TDP1: variants seen among roughly 807,000 people sequenced by gnomAD.
TDP1 encodes the protein tyrosyl-DNA phosphodiesterase 1.
TDP1 carries 64 observed loss-of-function variants against 81.5 expected under a neutral mutation model. That is an observed-to-expected ratio of 0.79 (90% CI 0.64 to 0.97). The LOEUF is 0.97. Among genes scored for constraint, TDP1 ranks in the 50% least tolerant of loss-of-function variants. The probability of loss-of-function intolerance (pLI) is 0.00; values close to 1 mark genes in which losing one functional copy is unlikely to be tolerated. For missense variants in TDP1, 723 were observed against 743.8 expected, an observed-to-expected ratio of 0.97 and a Z score of 0.33; for synonymous variants, 256 against 264.3, an observed-to-expected ratio of 0.97 and a Z score of 0.30.
chr14:89,983,543 A>G (rs1416339930), intron 8 of TDP1, among the ~76,000 whole-genome samples: 2 of 152,142 alleles, frequency 1.3e-5, no homozygotes, highest in African/African-American at 4.8e-5. Context: ...AGCTTAATAG[A>G]TAGAACCCAG....
intron 11 of TDP1, 156 bp from the exon 12 acceptor site, chr14:89,989,561 C>T (rs1895954831): frequency 1.6e-6 from 1 of 611,784 alleles, no homozygotes; most frequent in African/African-American, 2.0e-5. Context: ...ATTACTAGTT[C>T]ATTTTTTTCA....
chr14:90,022,742 G>C lies in TDP1; in HGVS notation c.1644+3324G>C, dbSNP rs35053339. 9.2e-4 allele frequency: 904 copies of C among 985,238 alleles called. 2 individuals are homozygous for C. In the African/African-American group the frequency reaches 0.015, roughly 16 times the overall value. The allele number at this position is 985,238 out of a possible 1,614,324, so 61.0% of individuals were successfully genotyped here. On this transcript the variant is annotated intron_variant, in intron 15 of 16. Coordinates refer to ENST00000335725, the MANE Select transcript of TDP1 (RefSeq NM_018319.4). ...TGTCTACTGATATGTGAAGCTTCTG[G>C]AAAAAAAGTAGACCTTTGCTTGGCC...
At chr14:89,956,514 T>A (rs1891653518) in intron 1 of TDP1, 64 bp from the exon 2 acceptor site, 1 of 152,428 alleles carries the variant, frequency 6.6e-6, no homozygotes, top group Admixed American at 6.5e-5. Context: ...CTGAATCTGC[T>A]CCGTCCCCAA....
chr14:90,024,373 T>C (rs1296606395), intron 15 of TDP1, among the ~76,000 whole-genome samples: 7 of 152,158 alleles, frequency 4.6e-5, no homozygotes, highest in Non-Finnish European at 1.0e-4. Flanking sequence ...ATCCACAACT[T>C]TCTAGAACCT....
Position 89,980,636 on chromosome 14 carries a change from C to G in TDP1, c.884+4C>G, listed in dbSNP as rs199778710. Reference sequence around the variant, plus strand: ...ACTGGCACCAGAAAACTCAAGGGTTCGTAGGGGCCTGCTCACTTCCTGGCA... The same window carrying G: ...ACTGGCACCAGAAAACTCAAGGGTTGGTAGGGGCCTGCTCACTTCCTGGCA... On this transcript the variant is annotated splice_donor_region_variant and intron_variant, in intron 8 of 16. Coordinates refer to ENST00000335725, the MANE Select transcript of TDP1 (RefSeq NM_018319.4). 1 of 1,612,648 alleles carries G rather than the reference C, an allele frequency of 6.2e-7. No homozygotes were observed. The highest frequency in any genetic ancestry group is 1.3e-5 in the African/African-American group (1 of 74,976).
intron 15 of TDP1, among the ~76,000 whole-genome samples, chr14:90,027,161 G>A (rs1378188566): frequency 1.3e-5 from 2 of 152,122 alleles, no homozygotes; most frequent in Non-Finnish European, 2.9e-5. Context: ...TCTAACTGGT[G>A]TGAGATGGTA....
At chr14:90,035,600 TGTGA>T (rs1887737841) in intron 16 of TDP1, among the ~76,000 whole-genome samples, 4 of 152,226 alleles carry the variant, frequency 2.6e-5, no homozygotes, top group African/African-American at 9.6e-5. Context: ...AGTGAGGAAC[TGTGA>T]GTATCTACCT....
intron 16 of TDP1, among the ~76,000 whole-genome samples, chr14:90,035,733 C>CTTTTTT (rs543354253): frequency 1.9e-4 from 27 of 139,056 alleles, no homozygotes; most frequent in African/African-American, 3.9e-4. Context: ...CCTTTTCTTC[C>CTTTTTT]TTTTTTTTTT....
At chr14:89,982,790 T>G (rs17126520) in intron 8 of TDP1, among the ~76,000 whole-genome samples, 4,512 of 152,344 alleles carry the variant, frequency 0.03, 101 homozygotes, top group African/African-American at 0.063. Context: ...TATTTCATGC[T>G]TGGCCTATAT....
At chr14:90,023,250 A>G (rs553976178) in intron 15 of TDP1, among the ~76,000 whole-genome samples, 1 of 152,332 alleles carries the variant, frequency 6.6e-6, no homozygotes, top group Non-Finnish European at 1.5e-5. Context: ...ACTCTTGAGA[A>G]AGGAGTATGA....
At chr14:89,988,397 GC>G (rs947287576) in intron 10 of TDP1, 1 of 160,824 alleles carries the variant, frequency 6.2e-6, no homozygotes, top group Non-Finnish European at 1.3e-5. Context: ...ATCGTGACCA[GC>G]CCCCATCCTG....
intron 3 of TDP1, among the ~76,000 whole-genome samples, chr14:89,965,325 G>A (rs1431938194): frequency 6.6e-6 from 1 of 150,888 alleles, no homozygotes; most frequent in Non-Finnish European, 1.5e-5. Context: ...GAGCCAGACA[G>A]CCTAGGTTCA....
At chr14:90,004,540 C>A (rs1395889634) in intron 14 of TDP1, among the ~76,000 whole-genome samples, 1 of 152,130 alleles carries the variant, frequency 6.6e-6, no homozygotes, top group African/African-American at 2.4e-5. Flanking sequence ...AAATAGCATG[C>A]CCCCAAGTGA....
chr14:89,969,887 T>C (rs568326492), intron 5 of TDP1, among the ~76,000 whole-genome samples: 10 of 148,306 alleles, frequency 6.7e-5, no homozygotes, highest in African/African-American at 2.5e-4. Flanking sequence ...TTTTTTTTTT[T>C]TTTTTTTGAG....
chr14:90,037,024 C>G (rs1053031178), intron 16 of TDP1, among the ~76,000 whole-genome samples: 1 of 152,100 alleles, frequency 6.6e-6, no homozygotes, highest in Non-Finnish European at 1.5e-5. Context: ...GTTGCCCAGG[C>G]TGGTCTTGAA....
chr14:90,033,441 TG>T, intron 16 of TDP1: 1 of 588,500 alleles, frequency 1.7e-6, no homozygotes, highest in Non-Finnish European at 3.1e-6. Context: ...TGACTTACAC[TG>T]GGGCTACATG....
intron 13 of TDP1, 109 bp downstream of exon 13, chr14:89,992,092 A>T: frequency 4.4e-6 from 4 of 904,086 alleles, no homozygotes; most frequent in Admixed American, 2.0e-5. Context: ...ATATAGCTAT[A>T]TTCTTTCATC....
chr14:89,986,363 G>C (rs1434000690), intron 10 of TDP1, among the ~76,000 whole-genome samples: 1 of 152,178 alleles, frequency 6.6e-6, no homozygotes, highest in East Asian at 1.9e-4. Flanking sequence ...CATAATAATA[G>C]TACTTCCCTC....
intron 15 of TDP1, 66 bp downstream of exon 15, chr14:90,019,484 C>G: frequency 3.4e-6 from 3 of 891,794 alleles, no homozygotes; most frequent in Admixed American, 3.7e-5. Context: ...GTGTTCTCTT[C>G]CTTTAGTCAC....
Sources: gnomAD v4.1 joint callset for allele counts (sites outside exome capture counted in the v4.1 genomes callset) on GRCh38, gnomAD v4.1.1 for gene constraint, MANE v1.5 for transcripts, NCBI Gene and HGNC (gene_info 2026-07-23, HGNC 2026-07-21) for gene names.